Variants in CROCC observed in about 807,000 individuals in gnomAD.
CROCC encodes the protein rootletin.
A neutral mutation model predicts 245.2 loss-of-function variants in CROCC; 180 were observed. The ratio of observed to expected loss-of-function variants is 0.73; its 90% CI spans 0.65 to 0.83. The LOEUF (loss-of-function observed/expected upper bound fraction) is 0.83. Among genes scored for constraint, CROCC ranks in the 40% least tolerant of loss-of-function variants. CROCC has a pLI of 0.00. For missense variants in CROCC, 2,688 were observed against 2,779.4 expected (o/e 0.97, Z 0.74); for synonymous variants, 1,205 against 1,241.6 (o/e 0.97, Z 0.62).
Position 16,921,949 on chromosome 1 carries a change from C to G in CROCC, c.-70C>G. The G allele has an allele frequency of 7.0e-7, 1 of 1,429,486 alleles. No individual in the cohort carries two copies. Among genetic ancestry groups the G allele is most frequent in the Middle Eastern group, 1.8e-4 (1 of 5,584 alleles). 88.6% of individuals were successfully genotyped at this position (1,429,486 alleles called of 1,614,324 possible). ...GCTCAGCACAGCATCCTGGCTGTGG[C>G]GCGTGCTGACTGAGCTAGTCTTGGG... On this transcript the variant is annotated 5_prime_UTR_variant, in exon 1 of 37. Coordinates refer to ENST00000375541, the MANE Select transcript of CROCC (RefSeq NM_014675.5).
intron 20 of CROCC, chr1:16,951,401 C>G (rs1298619295): frequency 7.4e-6 from 2 of 269,762 alleles, no homozygotes; most frequent in Non-Finnish European, 1.4e-5. Flanking sequence ...AAAGCACTTT[C>G]ATTTGCTAAG....
Position 16,924,345 on chromosome 1 carries a change from A to G in CROCC, c.217A>G (p.Met73Val). Residue 73 changes from methionine (M) to valine (V), a missense_variant, in exon 3 of 37, where the codon ATG becomes GTG. Met to Val is a conservative substitution (Grantham distance 21, BLOSUM62 1). This residue lies in a region of CROCC where 972 missense variants were observed against 895.3 expected (regional missense o/e 1.09). Transcript: ENST00000375541. Reference protein sequence around the residue: ...ESPVLLPATEMASLLSLQEEN... With the variant: ...ESPVLLPATEVASLLSLQEEN... The stretch of plus-strand genomic sequence containing the variant: ...GCCAGTCCTGCTGCCGGCCACAGAG[A>G]TGGCATCGCTGCTGTCGCTGCAGGA... The G allele has an allele frequency of 1.2e-6, 2 of 1,613,036 alleles. No individual in the cohort carries two copies. The highest frequency in any genetic ancestry group is 1.3e-5 in the African/African-American group (1 of 75,080).
At chr1:16,945,234 A>C (rs550311524) in intron 14 of CROCC, among the ~76,000 whole-genome samples, 1,665 of 152,086 alleles carry the variant, frequency 0.011, no homozygotes, top group South Asian at 0.033. Context: ...CTGTGTCTCA[A>C]AAAAACAAAC....
At position 16,930,510 on chromosome 1, in the gene CROCC, G is replaced by A; in HGVS notation, c.765G>A (p.Glu255=). The A allele has an allele frequency of 6.2e-7, 1 of 1,612,498 alleles. No homozygotes were observed. The highest frequency in any genetic ancestry group is 1.1e-5 in the South Asian group (1 of 90,948). The change falls in exon 7 of 37, where the codon GAG becomes GAA. Residue 255 remains glutamate, a synonymous_variant. Transcript: ENST00000375541. ...QAGSANQALS[E]DIRKVTNDWT... is the part of the protein sequence containing the mutation. ...GCTCGGCCAACCAGGCTCTGAGTGA[G>A]GACATACGAAAGGTGACCAATGACT...
At chr1:16,963,472 C>T (rs962361423) in intron 27 of CROCC, among the ~76,000 whole-genome samples, 13 of 152,168 alleles carry the variant, frequency 8.5e-5, no homozygotes, top group African/African-American at 1.4e-4. Flanking sequence ...TACCCTGAGA[C>T]GATGGGACCT....
intron 17 of CROCC, among the ~76,000 whole-genome samples, chr1:16,947,308 C>A (rs1206387792): frequency 1.3e-5 from 2 of 152,208 alleles, no homozygotes; most frequent in Non-Finnish European, 1.5e-5. Context: ...GAAACCCTAT[C>A]TCTACAAAAA....
At chr1:16,942,645 G>T (rs1353202714) in intron 13 of CROCC, among the ~76,000 whole-genome samples, 1 of 152,274 alleles carries the variant, frequency 6.6e-6, no homozygotes, top group Non-Finnish European at 1.5e-5. Context: ...TGAGAGACTG[G>T]CTCAGACTCA....
chr1:16,934,493 G>C (rs879434715), intron 8 of CROCC, among the ~76,000 whole-genome samples: 1 of 152,230 alleles, frequency 6.6e-6, no homozygotes, highest in African/African-American at 2.4e-5. Context: ...TTTAGAGACA[G>C]GGTCTTGCCA....
chr1:16,952,702 C>T (rs948609127), intron 20 of CROCC, among the ~76,000 whole-genome samples: 4 of 152,150 alleles, frequency 2.6e-5, no homozygotes, highest in Non-Finnish European at 5.9e-5. Flanking sequence ...TCATTAATGT[C>T]CCCAAATCTG....
Position 16,966,437 on chromosome 1 carries a change from G to A in CROCC, c.4726G>A (p.Gly1576Arg), listed in dbSNP as rs1209465904. The change falls in exon 30 of 37, where the codon GGG (glycine) becomes AGG (arginine). Residue 1576 changes from glycine (G) to arginine (R), a missense_variant. Physicochemically the swap from Gly to Arg is moderately radical, Grantham distance 125. This residue lies in a region of CROCC where 1,218 missense variants were observed against 1,286.3 expected (regional missense o/e 0.95). Coordinates refer to ENST00000375541, the MANE Select transcript of CROCC (RefSeq NM_014675.5). This position sits in a 1 kb window ranked among gnomAD's most constrained non-coding sequence, Gnocchi z 4.8. ...GCGCAGTGTGGATGGGCGGCTGAGC[G>A]GGGTCCAGGCGGAGCTGGCGCTGCA... is the stretch of plus-strand genomic sequence containing the variant. ...ARRSVDGRLS[G>R]VQAELALQEE... is the part of the protein sequence containing the mutation. 15 of 1,537,744 alleles carry A rather than the reference G, an allele frequency of 9.8e-6. No individual in the cohort carries two copies. The highest frequency in any genetic ancestry group is 4.6e-4 in the Middle Eastern group (2 of 4,356).
chr1:16,957,363 C>A lies in CROCC; in HGVS notation c.3864+1207C>A, dbSNP rs192164600. On this transcript the variant is annotated intron_variant, in intron 25 of 36. Coordinates refer to ENST00000375541, the MANE Select transcript of CROCC (RefSeq NM_014675.5). The stretch of plus-strand genomic sequence containing the variant: ...TCAAGGCTGCAGTGAGCTGTGATCG[C>A]ATCACCGCACTCCAGCCTGGGCGAC... Among the ~76,000 whole-genome samples the A allele has an allele frequency of 2.6e-5, 4 of 152,286 alleles. No individual in the cohort carries two copies. The South Asian group carries it at 6.2e-4, about 24-fold the overall frequency.
At chr1:16,921,036 G>T (rs1462934601), upstream of CROCC, among the ~76,000 whole-genome samples, 1 of 152,268 alleles carries the variant, frequency 6.6e-6, no homozygotes, top group East Asian at 1.9e-4. Flanking sequence ...GAGTGCCTGC[G>T]CCTGGCTGGG....
intron 25 of CROCC, among the ~76,000 whole-genome samples, chr1:16,956,995 G>C (rs2076259242): frequency 6.6e-6 from 1 of 152,240 alleles, no homozygotes. Context: ...AACCAGGCCA[G>C]GCGCAGTGGC....
chr1:16,972,611 C>T lies in CROCC; in HGVS notation c.*165C>T. 1 of 548,214 alleles carries T rather than the reference C, an allele frequency of 1.8e-6. No individual in the cohort carries two copies. Among genetic ancestry groups the T allele is most frequent in the South Asian group, 2.6e-5 (1 of 38,698 alleles). 34.0% of individuals were successfully genotyped at this position (548,214 alleles called of 1,614,324 possible). A position where few individuals can be genotyped will look rare whatever the true frequency, so the allele number is the denominator to read the frequency against. ...TGAGGACGGGTACTCCAGCTCCAGGCCTGGAGAGGCTTCCCAGCAACACCT... is the reference window on the plus strand; with the variant it reads ...TGAGGACGGGTACTCCAGCTCCAGGTCTGGAGAGGCTTCCCAGCAACACCT... On this transcript the variant is annotated 3_prime_UTR_variant, in exon 37 of 37. Transcript: ENST00000375541.
intron 33 of CROCC, 95 bp downstream of exon 33, chr1:16,970,029 C>T (rs1397586631): frequency 9.1e-6 from 13 of 1,429,958 alleles, no homozygotes; most frequent in Non-Finnish European, 1.0e-5. Flanking sequence ...ATCCCAAACC[C>T]TGGTGCAGCC....
intron 8 of CROCC, among the ~76,000 whole-genome samples, chr1:16,934,892 C>CTTTTTTTTTTTTT (rs556637657): frequency 7.0e-5 from 9 of 128,492 alleles, no homozygotes; most frequent in Non-Finnish European, 1.1e-4. Flanking sequence ...TCAGCAGTTT[C>CTTTTTTTTTTTTT]TTTTTTTTTT....
rs1385594015 is a variant in CROCC at position 16,958,766 on chromosome 1, G to A, written c.4032+16G>A. On this transcript the variant is annotated intron_variant, in intron 26 of 36. Transcript: ENST00000375541. ...GCGGCAGGAGGTAACTGAGCAGGCG[G>A]GCAGGCTGGTGCATCTTTCCTTCCC... 6.5e-7 allele frequency: 1 copy of A among 1,548,760 alleles called. No individual in the cohort carries two copies. The highest frequency in any genetic ancestry group is 8.7e-7 in the Non-Finnish European group (1 of 1,145,306).
chr1:16,963,112 G>A (rs538491068), intron 27 of CROCC, among the ~76,000 whole-genome samples: 1 of 151,158 alleles, frequency 6.6e-6, no homozygotes, highest in East Asian at 2.0e-4. Context: ...GAAACCAGGA[G>A]GCAGAGGTTG....
At chr1:16,923,360 A>T (rs1165462073) in intron 2 of CROCC, among the ~76,000 whole-genome samples, 1 of 152,272 alleles carries the variant, frequency 6.6e-6, no homozygotes, top group Non-Finnish European at 1.5e-5. Flanking sequence ...CCCAAGCTAC[A>T]GACGGGCCCC....
Sources: allele counts gnomAD v4.1 joint callset (sites outside exome capture counted in the v4.1 genomes callset), GRCh38; gene constraint gnomAD v4.1.1; regional missense constraint gnomAD v4.1.1; non-coding constraint Gnocchi (gnomAD v3.1); transcripts MANE v1.5; gene names NCBI Gene and HGNC (gene_info 2026-07-23, HGNC 2026-07-21).